SBF2: variants seen among roughly 807,000 people sequenced by gnomAD.
The protein encoded by SBF2 is SET binding factor 2.
Under a neutral mutation model 225.2 loss-of-function variants are expected in SBF2, and 112 were observed. The ratio of observed to expected loss-of-function variants is 0.50; its 90% CI spans 0.43 to 0.58. The LOEUF is 0.58. Among genes scored for constraint, SBF2 ranks in the 20% least tolerant of loss-of-function variants. SBF2 has a pLI of 0.00. For missense variants in SBF2, 1,996 were observed against 2,206.2 expected (o/e 0.90, Z 1.91); for synonymous variants, 763 against 773.3 (o/e 0.99, Z 0.22).
chr11:10,009,607 G>A (rs1379482775), intron 6 of SBF2, among the ~76,000 whole-genome samples: 2 of 152,142 alleles, frequency 1.3e-5, no homozygotes, highest in Non-Finnish European at 2.9e-5. Flanking sequence ...TTTTATAGCT[G>A]CATAGTATTC....
chr11:10,074,686 G>C (rs1043563422), intron 2 of SBF2, among the ~76,000 whole-genome samples: 1 of 152,140 alleles, frequency 6.6e-6, no homozygotes, highest in African/African-American at 2.4e-5. Flanking sequence ...TTATAGACTA[G>C]GGAGAACAGA....
intron 17 of SBF2, among the ~76,000 whole-genome samples, chr11:9,892,320 TG>T: frequency 6.6e-6 from 1 of 151,914 alleles, no homozygotes; most frequent in Non-Finnish European, 1.5e-5. Context: ...GGTTTCACCA[TG>T]TTGGCCAGGC....
In SBF2 at chr11:10,184,377, C is replaced by T. The variant is rs188392187; in HGVS notation, c.141+9525G>A. ...TTTTTTCCCAGATAGTTTTTGGCTACTTGCTATAAAATATGCCTTAGAGAT... is the reference window on the plus strand; with the variant it reads ...TTTTTTCCCAGATAGTTTTTGGCTATTTGCTATAAAATATGCCTTAGAGAT... On this transcript the variant is annotated intron_variant, in intron 2 of 39. Transcript: ENST00000256190. Among the ~76,000 whole-genome samples, 166 of 152,252 alleles carry T rather than the reference C, an allele frequency of 1.1e-3. 1 individual carries two copies. The highest frequency in any genetic ancestry group is 3.4e-3 in the Middle Eastern group (1 of 294).
At chr11:10,126,982 T>C (rs1443199453) in intron 2 of SBF2, among the ~76,000 whole-genome samples, 1 of 151,950 alleles carries the variant, frequency 6.6e-6, no homozygotes, top group Non-Finnish European at 1.5e-5. Context: ...GTACCTAAAA[T>C]AGGCAAATCA....
intron 2 of SBF2, among the ~76,000 whole-genome samples, chr11:10,080,119 G>A (rs779779312): frequency 2.0e-5 from 3 of 151,744 alleles, no homozygotes; most frequent in Non-Finnish European, 2.9e-5. Context: ...CTGGTAGTGT[G>A]TGCCTGTAGT....
At chr11:10,060,161 C>T (rs1276099230) in intron 2 of SBF2, among the ~76,000 whole-genome samples, 1 of 151,822 alleles carries the variant, frequency 6.6e-6, no homozygotes, top group East Asian at 1.9e-4. Flanking sequence ...AGAGAGAAAA[C>T]CCAAATAAAC....
intron 32 of SBF2, among the ~76,000 whole-genome samples, chr11:9,802,138 T>C (rs1369684186): frequency 2.0e-5 from 3 of 152,236 alleles, no homozygotes; most frequent in African/African-American, 7.2e-5. Context: ...ATACTATTCA[T>C]GTTTTCTCCT....
intron 19 of SBF2, among the ~76,000 whole-genome samples, chr11:9,855,023 T>C (rs1857213909): frequency 6.6e-6 from 1 of 152,214 alleles, no homozygotes; most frequent in Non-Finnish European, 1.5e-5. Flanking sequence ...ATAGGTCCTG[T>C]ATTGAAACAG....
chr11:9,983,470 C>T (rs2134441306), intron 13 of SBF2, among the ~76,000 whole-genome samples: 1 of 152,292 alleles, frequency 6.6e-6, no homozygotes, highest in Admixed American at 6.5e-5. Flanking sequence ...AGCTCCTTCC[C>T]AACCTGATGG....
chr11:10,036,537 T>C (rs1265765041), intron 3 of SBF2, among the ~76,000 whole-genome samples: 1 of 152,160 alleles, frequency 6.6e-6, no homozygotes, highest in Non-Finnish European at 1.5e-5. Context: ...ATAGTTAACA[T>C]GACAGAATAA....
intron 15 of SBF2, among the ~76,000 whole-genome samples, chr11:9,962,624 G>A (rs1444030143): frequency 6.6e-6 from 1 of 152,098 alleles, no homozygotes; most frequent in African/African-American, 2.4e-5. Context: ...GAAAGAAAAA[G>A]GACTCGGAGT....
chr11:9,965,449 C>T (rs566896330), intron 14 of SBF2, among the ~76,000 whole-genome samples: 4 of 152,116 alleles, frequency 2.6e-5, no homozygotes, highest in East Asian at 3.9e-4. Context: ...CCACCACACC[C>T]GGCTAATTTC....
chr11:9,910,890 C>CAAAAAAA (rs68011518), intron 16 of SBF2, among the ~76,000 whole-genome samples: 2 of 93,602 alleles, frequency 2.1e-5, no homozygotes, highest in East Asian at 3.0e-4. Context: ...TACTAAAATA[C>CAAAAAAA]AAAAAAAAAA....
chr11:10,112,787 T>C (rs1045231489), intron 2 of SBF2, among the ~76,000 whole-genome samples: 2 of 152,090 alleles, frequency 1.3e-5, no homozygotes, highest in Non-Finnish European at 2.9e-5. Flanking sequence ...GAAAATAATA[T>C]GAGAATGTTC....
At chr11:10,094,155 ACT>A (rs572406032) in intron 2 of SBF2, among the ~76,000 whole-genome samples, 3 of 152,048 alleles carry the variant, frequency 2.0e-5, no homozygotes, top group Non-Finnish European at 4.4e-5. Flanking sequence ...ACATGGTGAA[ACT>A]CTGTCTCTAC....
At position 9,787,728 on chromosome 11, in the gene SBF2, T is replaced by G. The variant is rs1185073544; in HGVS notation, c.4943A>C (p.Lys1648Thr). The change falls in exon 36 of 40, where the codon AAA (lysine) becomes ACA (threonine). Residue 1648 changes from lysine (K) to threonine (T), a missense_variant. By Grantham distance (78) the Lys-to-Thr change is moderately conservative (BLOSUM62 -1). Coordinates refer to ENST00000256190, the MANE Select transcript of SBF2 (RefSeq NM_030962.4). Reference sequence around the variant, plus strand: ...GGCTTGGTTCAATTTGTGCTCCAATTTTTCAATTTCCTGCAAAGAAATTAA... The same window carrying G: ...GGCTTGGTTCAATTTGTGCTCCAATGTTTCAATTTCCTGCAAAGAAATTAA... ...ALTSLFSEIEKLEHKLNQAPE... is the reference protein window; with the variant it reads ...ALTSLFSEIETLEHKLNQAPE... 1 of 1,614,156 alleles carries G rather than the reference T, an allele frequency of 6.2e-7. No homozygotes were observed. Among genetic ancestry groups the G allele is most frequent in the Non-Finnish European group, 8.5e-7 (1 of 1,180,006 alleles).
Position 9,779,870 on chromosome 11 carries a change from T to C in SBF2, c.*548A>G, listed in dbSNP as rs1420116375. 4 of 189,096 alleles carry C rather than the reference T, an allele frequency of 2.1e-5. No homozygotes were observed. Among genetic ancestry groups the C allele is most frequent in the Non-Finnish European group, 4.5e-5 (4 of 88,274 alleles). 11.7% of individuals were successfully genotyped at this position (189,096 alleles called of 1,614,324 possible). A position where few individuals can be genotyped will look rare whatever the true frequency, so the allele number is the denominator to read the frequency against. ...GCTACTGAACAATGACGTCTCTTGT[T>C]GTGAACCCCACTGGCAGAGCACGGA... On this transcript the variant is annotated 3_prime_UTR_variant, in exon 40 of 40. Transcript: ENST00000256190.
At chr11:10,034,342 A>T (rs1314156308) in intron 3 of SBF2, among the ~76,000 whole-genome samples, 1 of 152,218 alleles carries the variant, frequency 6.6e-6, no homozygotes, top group African/African-American at 2.4e-5. Flanking sequence ...AGTACTCACC[A>T]TATCAATCTG....
chr11:10,132,583 C>G (rs1954115817), intron 2 of SBF2, among the ~76,000 whole-genome samples: 1 of 148,272 alleles, frequency 6.7e-6, no homozygotes, highest in South Asian at 2.1e-4. Context: ...CTCGTGGTCT[C>G]GCTGGGCTCA....
Sources: gnomAD v4.1 joint callset for allele counts (sites outside exome capture counted in the v4.1 genomes callset) on GRCh38, gnomAD v4.1.1 for gene constraint, MANE v1.5 for transcripts, NCBI Gene and HGNC (gene_info 2026-07-23, HGNC 2026-07-21) for gene names.